The following RANBP17 variants were observed in gnomAD, a reference collection of about 807,000 sequenced individuals.
RANBP17 encodes RAN binding protein 17.
RANBP17 carries 158 observed loss-of-function variants against 141.2 expected under a neutral mutation model. That is an observed-to-expected ratio of 1.12 (90% CI 0.98 to 1.28). The LOEUF is 1.28. Ranked by LOEUF, RANBP17 falls within the 50% of genes most tolerant of loss-of-function variation. The probability of loss-of-function intolerance (pLI) is 0.00; values close to 1 mark genes in which losing one functional copy is unlikely to be tolerated. For missense variants in RANBP17, 1,438 were observed against 1,290.7 expected (o/e 1.11, Z -1.75); for synonymous variants, 430 against 450.0 (o/e 0.96, Z 0.56).
At chr5:171,276,495 T>G (rs1767491990) in intron 25 of RANBP17, among the ~76,000 whole-genome samples, 1 of 152,192 alleles carries the variant, frequency 6.6e-6, no homozygotes. Context: ...CTAAAAAATA[T>G]GATGTGGTTT....
chr5:170,983,597 C>T (rs773313007), intron 14 of RANBP17, among the ~76,000 whole-genome samples: 19 of 151,880 alleles, frequency 1.3e-4, no homozygotes, highest in Non-Finnish European at 1.9e-4. Flanking sequence ...AAGAAATAGC[C>T]GAAAGAGTTG....
At chr5:171,038,579 G>T (rs1422979602) in intron 14 of RANBP17, among the ~76,000 whole-genome samples, 1 of 152,028 alleles carries the variant, frequency 6.6e-6, no homozygotes, top group African/African-American at 2.4e-5. Flanking sequence ...TGTCGGGTAT[G>T]GGTTTGTCAT....
intron 14 of RANBP17, among the ~76,000 whole-genome samples, chr5:170,975,955 T>C (rs1157134623): frequency 6.6e-6 from 1 of 151,476 alleles, no homozygotes; most frequent in Non-Finnish European, 1.5e-5. Context: ...CTATTAAATA[T>C]TGTACTAGGG....
chr5:171,089,622 G>A (rs1355800311), intron 14 of RANBP17, among the ~76,000 whole-genome samples: 6 of 151,970 alleles, frequency 3.9e-5, no homozygotes, highest in African/African-American at 9.7e-5. Flanking sequence ...TTCCGTGGGC[G>A]TAGGACCCTC....
At chr5:170,907,850 G>A (rs1254999551) in intron 5 of RANBP17, among the ~76,000 whole-genome samples, 1 of 151,594 alleles carries the variant, frequency 6.6e-6, no homozygotes, top group Non-Finnish European at 1.5e-5. Context: ...ATCAAGAGAG[G>A]CATTAAAAAT....
At chr5:171,140,060 A>G (rs1163734743) in intron 14 of RANBP17, among the ~76,000 whole-genome samples, 2 of 151,806 alleles carry the variant, frequency 1.3e-5, no homozygotes, top group Non-Finnish European at 2.9e-5. Context: ...GTTTCTCCCA[A>G]CCTTCCCCTT....
chr5:171,221,240 G>A (rs968430943), intron 21 of RANBP17, among the ~76,000 whole-genome samples: 22 of 152,182 alleles, frequency 1.4e-4, no homozygotes, highest in Admixed American at 1.2e-3. Context: ...AGTGGAAACT[G>A]TAATGTGTTT....
rs540263463 is a variant in RANBP17 at position 170,921,925 on chromosome 5, T to A, written c.1274+2312T>A. ...GAAAGAGGTGCTCTGGTTTTTGGAATTTTCAGCTTTTCTGCTCTGGTTTCT... is the reference window on the plus strand; with the variant it reads ...GAAAGAGGTGCTCTGGTTTTTGGAAATTTCAGCTTTTCTGCTCTGGTTTCT... On this transcript the variant is annotated intron_variant, in intron 11 of 27. Coordinates refer to ENST00000523189, the MANE Select transcript of RANBP17 (RefSeq NM_022897.5). Among the ~76,000 whole-genome samples the A allele has an allele frequency of 1.4e-4, 22 of 152,332 alleles. 1 individual carries two copies. Among genetic ancestry groups the A allele is most frequent in the African/African-American group, 4.1e-4 (17 of 41,588 alleles).
chr5:171,034,623 G>A (rs1040764785), intron 14 of RANBP17, among the ~76,000 whole-genome samples: 1 of 152,166 alleles, frequency 6.6e-6, no homozygotes, highest in African/African-American at 2.4e-5. Context: ...TTGTGACTCG[G>A]TTCATTTCAT....
intron 1 of RANBP17, among the ~76,000 whole-genome samples, chr5:170,869,949 T>G (rs1456274799): frequency 6.6e-6 from 1 of 152,192 alleles, no homozygotes; most frequent in Non-Finnish European, 1.5e-5. Flanking sequence ...AGATTGGCAC[T>G]GTTACTAGTC....
In RANBP17 at chr5:170,924,343, TTC is replaced by T; in HGVS notation, c.1275-12_1275-11del. On this transcript the variant is annotated splice_polypyrimidine_tract_variant and intron_variant, in intron 11 of 27. Transcript: ENST00000523189. ...CATTCTAATGTTGTCTGCAAACTTA[TTC>T]TGTGTTTGCAGAGATCACTTAGATG... 1 of 1,525,668 alleles carries T rather than the reference TTC, an allele frequency of 6.6e-7. No individual in the cohort carries two copies. The highest frequency in any genetic ancestry group is 9.0e-7 in the Non-Finnish European group (1 of 1,115,416). The allele number at this position is 1,525,668 out of a possible 1,614,324, so 94.5% of individuals were successfully genotyped here.
At chr5:170,913,970 A>G (rs1026004282) in intron 7 of RANBP17, among the ~76,000 whole-genome samples, 197 bp from the exon 8 acceptor site, 1 of 152,132 alleles carries the variant, frequency 6.6e-6, no homozygotes, top group Non-Finnish European at 1.5e-5. Context: ...CTACATGAGG[A>G]AGAGCCTGGC....
chr5:171,071,688 T>C (rs1029307403), intron 14 of RANBP17, among the ~76,000 whole-genome samples: 1 of 132,990 alleles, frequency 7.5e-6, no homozygotes, highest in Non-Finnish European at 1.6e-5. Flanking sequence ...CCTCAATACG[T>C]CAACATGTAC....
intron 14 of RANBP17, among the ~76,000 whole-genome samples, chr5:171,034,631 C>G (rs181657725): frequency 6.6e-6 from 1 of 152,298 alleles, no homozygotes; most frequent in South Asian, 2.1e-4. Context: ...CGGTTCATTT[C>G]ATCACTTCAT....
chr5:171,117,134 G>A (rs1337133833), intron 14 of RANBP17, among the ~76,000 whole-genome samples: 1 of 152,126 alleles, frequency 6.6e-6, no homozygotes, highest in Non-Finnish European at 1.5e-5. Flanking sequence ...TGGCAGCGGG[G>A]GTGGTGGTAC....
chr5:170,980,787 G>A (rs1020675772), intron 14 of RANBP17, among the ~76,000 whole-genome samples: 3 of 152,212 alleles, frequency 2.0e-5, no homozygotes, highest in African/African-American at 2.4e-5. Context: ...TGTGGGGTTG[G>A]AGCCCCCACA....
intron 14 of RANBP17, among the ~76,000 whole-genome samples, chr5:171,086,345 G>A (rs1236726379): frequency 6.6e-6 from 1 of 151,616 alleles, no homozygotes; most frequent in Non-Finnish European, 1.5e-5. Context: ...GCGTTTTGAT[G>A]TGCTGCTGGA....
chr5:171,006,481 C>T (rs1373407536), intron 14 of RANBP17, among the ~76,000 whole-genome samples: 3 of 152,088 alleles, frequency 2.0e-5, no homozygotes, highest in South Asian at 2.1e-4. Context: ...TCATTCTCAG[C>T]AAACTATCGC....
Position 171,240,950 on chromosome 5 carries a change from G to C in RANBP17, c.2445G>C (p.Gly815=). The C allele has an allele frequency of 6.2e-7, 1 of 1,613,188 alleles. No homozygotes were observed. Among genetic ancestry groups the C allele is most frequent in the Non-Finnish European group, 8.5e-7 (1 of 1,179,366 alleles). The part of the protein sequence containing the change: ...CTYGNQILSL[G]SLSKDQIYPM... The stretch of plus-strand genomic sequence containing the variant: ...CAGGTAATCAGATCCTGTCCCTTGG[G>C]AGCCTCTCAAAAGATCAGATTTATC... Residue 815 remains glycine (G), a synonymous_variant, in exon 23 of 28, where the codon GGG becomes GGC. Transcript: ENST00000523189.
Sources: allele counts gnomAD v4.1 joint callset (sites outside exome capture counted in the v4.1 genomes callset), GRCh38; gene constraint gnomAD v4.1.1; transcripts MANE v1.5; gene names NCBI Gene and HGNC (gene_info 2026-07-23, HGNC 2026-07-21).